The following EPHA10 variants were observed in gnomAD, a reference collection of about 807,000 sequenced individuals.
EPHA10 encodes ephrin type-A receptor 10.
A neutral mutation model predicts 109.7 loss-of-function variants in EPHA10; 120 were observed. The observed-to-expected ratio is 1.09, with a 90% confidence interval of 0.94 to 1.27. EPHA10 has a LOEUF of 1.27. Ranked by LOEUF, EPHA10 falls within the 50% of genes most tolerant of loss-of-function variation. EPHA10 has a pLI of 0.00. For missense variants in EPHA10, 1,396 were observed against 1,411.1 expected (o/e 0.99, Z 0.17); for synonymous variants, 640 against 618.9 (o/e 1.03, Z -0.51).
chr1:37,762,117 A>G (rs1422417770), intron 2 of EPHA10, 34 bp from the exon 3 acceptor site: 1 of 1,533,058 alleles, frequency 6.5e-7, no homozygotes. Context: ...GGCAGCCCAG[A>G]GCCAAAGTGC....
Position 37,731,573 on chromosome 1 carries a change from C to T in EPHA10, c.1501G>A (p.Glu501Lys). The T allele has an allele frequency of 6.2e-7, 1 of 1,610,082 alleles. No individual in the cohort carries two copies. ...EIRYYEKGQS[E>K]QTYSMVKTGA... ...GTCTTCACCATGGAGTAAGTCTGCT[C>T]ACTCTGACCCTGGAGAGAGATCAAG... The change falls in exon 7 of 17, where the codon GAG becomes AAG. Residue 501 changes from glutamate to lysine, a missense_variant. Coordinates refer to ENST00000373048, the MANE Select transcript of EPHA10 (RefSeq NM_001099439.2).
chr1:37,716,078 T>C lies in EPHA10; in HGVS notation c.*2294A>G. On this transcript the variant is annotated 3_prime_UTR_variant, in exon 17 of 17. Coordinates refer to ENST00000373048, the MANE Select transcript of EPHA10 (RefSeq NM_001099439.2). ...TGGCCCCCTCCCTCCCAGGGTGAGC[T>C]CAGACCAGGGTAATGGGGGCTTGCA... 2.0e-6 allele frequency: 1 copy of C among 503,552 alleles called. No individual in the cohort carries two copies. The highest frequency in any genetic ancestry group is 3.7e-6 in the Non-Finnish European group (1 of 266,714). 31.2% of individuals were successfully genotyped at this position (503,552 alleles called of 1,614,324 possible). A position where few individuals can be genotyped will look rare whatever the true frequency, so the allele number is the denominator to read the frequency against.
At chr1:37,740,263 G>T (rs1569711157) in intron 5 of EPHA10, among the ~76,000 whole-genome samples, 1 of 151,958 alleles carries the variant, frequency 6.6e-6, no homozygotes, top group East Asian at 1.9e-4. Context: ...GTAGGCTGGA[G>T]CTCAGGGATT....
In EPHA10 at chr1:37,761,807, G is replaced by T. The variant is rs191434177; in HGVS notation, c.448C>A (p.Arg150Ser). Residue 150 changes from arginine to serine, a missense_variant, in exon 3 of 17, where the codon CGC (arginine) becomes AGC (serine). Coordinates refer to ENST00000373048, the MANE Select transcript of EPHA10 (RefSeq NM_001099439.2). ...GRPRLGGSRP[R>S]KIDTIAADES... ...TCCGCCGCGATCGTGTCGATTTTGC[G>T]GGGCCGGCTGCCGCCTAGGCGGGGA... 31 of 1,613,648 alleles carry T rather than the reference G, an allele frequency of 1.9e-5. No homozygotes were observed. In the East Asian group the frequency reaches 6.9e-4, roughly 36 times the overall value.
intron 5 of EPHA10, among the ~76,000 whole-genome samples, chr1:37,750,978 G>C (rs1448492439): frequency 6.6e-6 from 1 of 151,668 alleles, no homozygotes; most frequent in Non-Finnish European, 1.5e-5. Context: ...GGCCAAGGAG[G>C]ACAGATCACG....
rs960715618 is a variant in EPHA10, at chr1:37,722,541, G to A, written c.1960+500C>T. ...CTAGCAGAAGACTGGCCCTTAGAGA[G>A]CAAGCGCCGACAGCCAGGCCCTGTG... On this transcript the variant is annotated intron_variant, in intron 10 of 16. Coordinates refer to ENST00000373048, the MANE Select transcript of EPHA10 (RefSeq NM_001099439.2). Among the ~76,000 whole-genome samples the A allele has an allele frequency of 3.3e-5, 5 of 152,318 alleles. 1 individual carries two copies. Among genetic ancestry groups the A allele is most frequent in the Admixed American group, 3.3e-4 (5 of 15,308 alleles).
chr1:37,761,666 C>T lies in EPHA10; in HGVS notation c.589G>A (p.Ala197Thr). 6.2e-7 allele frequency: 1 copy of T among 1,609,866 alleles called. No homozygotes were observed. The highest frequency in any genetic ancestry group is 8.5e-7 in the Non-Finnish European group (1 of 1,179,858). ...GFHLAFQDVG[A>T]CVALVSVRVY... is the part of the protein sequence containing the mutation. Reference sequence around the variant, plus strand: ...CGCACCGAGACAAGCGCCACGCATGCGCCCACGTCCTGAAAGGCCAGGTGG... The same window carrying T: ...CGCACCGAGACAAGCGCCACGCATGTGCCCACGTCCTGAAAGGCCAGGTGG... Residue 197 changes from alanine (A) to threonine (T), a missense_variant, in exon 3 of 17, where the codon GCA (alanine) becomes ACA (threonine). Coordinates refer to ENST00000373048, the MANE Select transcript of EPHA10 (RefSeq NM_001099439.2).
chr1:37,723,113 G>T lies in EPHA10; in HGVS notation c.1888C>A (p.Leu630Met). 1 of 1,614,216 alleles carries T rather than the reference G, an allele frequency of 6.2e-7. No individual in the cohort carries two copies. The highest frequency in any genetic ancestry group is 8.5e-7 in the Non-Finnish European group (1 of 1,180,042). Reference sequence around the variant, plus strand: ...TTGGCGAACAGATGCACAGCCTGCAGCAGGTCCCCACAGCTCTGGGGGTCC... The same window carrying T: ...TTGGCGAACAGATGCACAGCCTGCATCAGGTCCCCACAGCTCTGGGGGTCC... ...FLDPQSCGDL[L>M]QAVHLFAKEL... The change falls in exon 10 of 17, where the codon CTG becomes ATG. Residue 630 changes from leucine (L) to methionine (M), a missense_variant. Leu to Met is a conservative substitution (Grantham distance 15). Transcript: ENST00000373048.
intron 5 of EPHA10, among the ~76,000 whole-genome samples, chr1:37,738,360 CT>C (rs940175749): frequency 1.1e-4 from 16 of 151,848 alleles, no homozygotes; most frequent in African/African-American, 3.9e-4. Flanking sequence ...GAGTGAGACT[CT>C]GTCTCAAAAA....
rs1468270731 is a variant in EPHA10, at chr1:37,735,256, CCTT to C, written c.1489_1491del (p.Lys497del). 5.7e-6 allele frequency: 9 copies of C among 1,567,166 alleles called. No homozygotes were observed. The East Asian group carries it at 2.1e-4, about 37-fold the overall frequency. ...CAGGTCCCTCCCAGACACGCACTCA[CCTT>C]CTCGTAGTATCGGATCTCGTACTCC... On this transcript the variant is annotated inframe_deletion and splice_region_variant, in exon 6 of 17. Transcript: ENST00000373048.
rs531787398 is a variant in EPHA10 at position 37,746,613 on chromosome 1, A to T, written c.1357+6263T>A. On this transcript the variant is annotated intron_variant, in intron 5 of 16. Transcript: ENST00000373048. ...CCTAGGTATATAGCCATGAAAACTG[A>T]AAATATATGTTTATGCAAAAACATA... Among the ~76,000 whole-genome samples, 15 of 152,338 alleles carry T rather than the reference A, an allele frequency of 9.8e-5. No homozygotes were observed. The South Asian group carries it at 2.7e-3, about 27-fold the overall frequency.
chr1:37,737,533 C>T (rs1646088297), intron 5 of EPHA10, among the ~76,000 whole-genome samples: 1 of 152,190 alleles, frequency 6.6e-6, no homozygotes, highest in African/African-American at 2.4e-5. Context: ...CACCAAATGG[C>T]ACTGAGAAAA....
At chr1:37,748,096 C>G (rs997206955) in intron 5 of EPHA10, among the ~76,000 whole-genome samples, 22 of 152,282 alleles carry the variant, frequency 1.4e-4, no homozygotes, top group African/African-American at 4.6e-4. Flanking sequence ...CAGTGCCTCA[C>G]GCCTGTAATC....
In EPHA10 at chr1:37,716,344, T is replaced by TAGTC. The variant is rs574843569; in HGVS notation, c.*2027_*2028insGACT. 20 of 242,588 alleles carry TAGTC rather than the reference T, an allele frequency of 8.2e-5. No homozygotes were observed. The South Asian group carries it at 2.7e-3, about 33-fold the overall frequency. The allele number at this position is 242,588 out of a possible 1,614,324, so 15.0% of individuals were successfully genotyped here. On this transcript the variant is annotated 3_prime_UTR_variant, in exon 17 of 17. Transcript: ENST00000373048. ...GGAGGAGATTTTGCCCTGCAGAGAA[T>TAGTC]GACTGATGTAGCTGGAGATGAGGAC...
chr1:37,727,585 C>CA (rs1645915805), intron 7 of EPHA10, among the ~76,000 whole-genome samples: 1 of 152,204 alleles, frequency 6.6e-6, no homozygotes, highest in Non-Finnish European at 1.5e-5. Flanking sequence ...CATCCACCAA[C>CA]AATAATAAAA....
At chr1:37,734,689 T>A in intron 6 of EPHA10, 1 of 452,038 alleles carries the variant, frequency 2.2e-6, no homozygotes, top group Non-Finnish European at 4.4e-6. Context: ...ACAAGTATCC[T>A]ATGGGGATCA....
chr1:37,732,860 GTTCT>G (rs1646007873), intron 6 of EPHA10, among the ~76,000 whole-genome samples: 10 of 25,820 alleles, frequency 3.9e-4, no homozygotes, highest in African/African-American at 7.6e-4. Flanking sequence ...TTTTATACTT[GTTCT>G]TTTTTTTTTT....
intron 13 of EPHA10, 53 bp downstream of exon 13, chr1:37,720,298 C>A: frequency 1.3e-6 from 2 of 1,537,812 alleles, no homozygotes; most frequent in Non-Finnish European, 8.8e-7. Context: ...GGCTCCAGGG[C>A]AGCTTGGTGG....
At chr1:37,739,802 A>C (rs1293659618) in intron 5 of EPHA10, among the ~76,000 whole-genome samples, 4 of 151,814 alleles carry the variant, frequency 2.6e-5, no homozygotes, top group Admixed American at 2.6e-4. Context: ...AAGATGAAAA[A>C]GTTCTACACC....
Sources: gnomAD v4.1 joint callset for allele counts (sites outside exome capture counted in the v4.1 genomes callset) on GRCh38, gnomAD v4.1.1 for gene constraint, MANE v1.5 for transcripts, NCBI Gene and HGNC (gene_info 2026-07-23, HGNC 2026-07-21) for gene names.